Variants in EFHC1 observed in about 807,000 individuals in gnomAD.
The protein encoded by EFHC1 is EF-hand domain-containing protein 1.
EFHC1 carries 53 observed loss-of-function variants against 69.9 expected under a neutral mutation model. That is an observed-to-expected ratio of 0.76 (90% CI 0.61 to 0.95). The LOEUF (loss-of-function observed/expected upper bound fraction) is 0.95. Ranked by LOEUF, EFHC1 falls within the 40% of genes least tolerant of loss-of-function variation. The pLI, the probability that EFHC1 is intolerant of heterozygous loss-of-function variation, is 0.00. For synonymous variants in EFHC1, 256 were observed against 278.4 expected (o/e 0.92, Z 0.80); for missense variants, 739 against 798.7 (o/e 0.93, Z 0.90).
chr6:52,486,506 C>T (rs908753422), intron 9 of EFHC1: 1 of 152,204 alleles, frequency 6.6e-6, no homozygotes, highest in Non-Finnish European at 1.5e-5. Context: ...CTCACTTACT[C>T]AATTATCTTT....
chr6:52,430,456 T>C (rs1764391155), intron 2 of EFHC1: 2 of 152,244 alleles, frequency 1.3e-5, no homozygotes, highest in Admixed American at 1.3e-4. Flanking sequence ...TCTGCATCTA[T>C]TGAGATGATC....
At chr6:52,475,008 GT>G (rs111411625) in intron 7 of EFHC1, among the ~76,000 whole-genome samples, 137 of 141,202 alleles carry the variant, frequency 9.7e-4, no homozygotes, top group South Asian at 7.4e-3. Flanking sequence ...GTTGTTTTGG[GT>G]TTTTTTTTTT....
intron 5 of EFHC1, among the ~76,000 whole-genome samples, chr6:52,460,644 C>T (rs545699781): frequency 6.6e-6 from 1 of 152,054 alleles, no homozygotes; most frequent in African/African-American, 2.4e-5. Context: ...TAACCCATAC[C>T]AGATGGAAGT....
Position 52,454,094 on chromosome 6 carries a change from G to C in EFHC1, c.724-1G>C. ...GAGTCACTACTTTGGATTCTTCAAA[G>C]GTCCTTCGATTCTATGCAATCTGGG... is the stretch of plus-strand genomic sequence containing the variant. On this transcript the variant is annotated splice_acceptor_variant, in intron 4 of 10. Transcript: ENST00000371068. LOFTEE classifies it high-confidence loss of function. 1 of 1,612,954 alleles carries C rather than the reference G, an allele frequency of 6.2e-7. No individual in the cohort carries two copies. The highest frequency in any genetic ancestry group is 8.5e-7 in the Non-Finnish European group (1 of 1,179,928).
chr6:52,486,650 G>A (rs1017932217), intron 9 of EFHC1: 1 of 152,088 alleles, frequency 6.6e-6, no homozygotes, highest in Non-Finnish European at 1.5e-5. Context: ...TCCAATGTGG[G>A]CTTCATCAGT....
In EFHC1 at chr6:52,479,792, GT is replaced by G; in HGVS notation, c.1640+6del. On this transcript the variant is annotated splice_donor_region_variant and intron_variant, in intron 9 of 10. Coordinates refer to ENST00000371068, the MANE Select transcript of EFHC1 (RefSeq NM_018100.4). The stretch of plus-strand genomic sequence containing the variant: ...GCCTGCTCCAGAAGCAGAAAGGTGT[GT>G]GTTTGATTGCTAGGGTTTGGCACAC... The G allele has an allele frequency of 6.2e-7, 1 of 1,613,888 alleles. No individual in the cohort carries two copies. Among genetic ancestry groups the G allele is most frequent in the Non-Finnish European group, 8.5e-7 (1 of 1,180,006 alleles).
At position 52,490,279 on chromosome 6, in the gene EFHC1, G is replaced by A. The variant is rs779206438; in HGVS notation, c.1780G>A (p.Val594Met). 5 of 1,614,064 alleles carry A rather than the reference G, an allele frequency of 3.1e-6. No individual in the cohort carries two copies. In the East Asian group the frequency reaches 6.7e-5, roughly 22 times the overall value. ...QIYDKEASGY[V>M]DRDMFFKICE... ...TTATGACAAGGAAGCTTCAGGATAT[G>A]TGGACAGAGACATGTTCTTTAAAAT... Residue 594 changes from valine (V) to methionine (M), a missense_variant, in exon 10 of 11, where the codon GTG becomes ATG. Val to Met is a conservative substitution (Grantham distance 21). Transcript: ENST00000371068.
Position 52,465,021 on chromosome 6 carries a change from A to T in EFHC1, c.1043A>T (p.Asp348Val), listed in dbSNP as rs1381895195. 6.2e-7 allele frequency: 1 copy of T among 1,614,160 alleles called. No individual in the cohort carries two copies. Among genetic ancestry groups the T allele is most frequent in the Non-Finnish European group, 8.5e-7 (1 of 1,180,032 alleles). Residue 348 changes from aspartate to valine, a missense_variant, in exon 6 of 11, where the codon GAT (aspartate) becomes GTT (valine). Transcript: ENST00000371068. Reference sequence around the variant, plus strand: ...AGAACTTTCTTCATTTATGATTGTGATCCATTTACTCGACGGTATTACAAA... The same window carrying T: ...AGAACTTTCTTCATTTATGATTGTGTTCCATTTACTCGACGGTATTACAAA... Reference protein sequence around the residue: ...LGRTFFIYDCDPFTRRYYKEK... With the variant: ...LGRTFFIYDCVPFTRRYYKEK...
chr6:52,491,891 G>A (rs764223707), intron 10 of EFHC1, among the ~76,000 whole-genome samples: 7 of 152,166 alleles, frequency 4.6e-5, no homozygotes, highest in Non-Finnish European at 7.3e-5. Flanking sequence ...TGCCTGGGTC[G>A]TGACTGCCTT....
chr6:52,469,749 T>A (rs577458589), intron 7 of EFHC1, among the ~76,000 whole-genome samples: 15 of 152,342 alleles, frequency 9.8e-5, no homozygotes, highest in African/African-American at 3.6e-4. Context: ...ATCTTTTGCC[T>A]CTTTTATTAA....
intron 5 of EFHC1, among the ~76,000 whole-genome samples, 176 bp downstream of exon 5, chr6:52,454,463 G>T (rs546437465): frequency 2.0e-5 from 3 of 151,992 alleles, no homozygotes; most frequent in Non-Finnish European, 4.4e-5. Flanking sequence ...CGGTCCAGGC[G>T]TGCCCCCAAG....
chr6:52,465,131 T>A lies in EFHC1; in HGVS notation c.1137+16T>A. On this transcript the variant is annotated intron_variant, in intron 6 of 10. Coordinates refer to ENST00000371068, the MANE Select transcript of EFHC1 (RefSeq NM_018100.4). Reference sequence around the variant, plus strand: ...AGTAAAACAGGTAATCAGATAGTACTTCTTAGTGTGGTGAGAAAACTAATT... The same window carrying A: ...AGTAAAACAGGTAATCAGATAGTACATCTTAGTGTGGTGAGAAAACTAATT... The A allele has an allele frequency of 6.2e-7, 1 of 1,609,248 alleles. No homozygotes were observed.
At chr6:52,476,750 T>C (rs1765553239) in intron 7 of EFHC1, among the ~76,000 whole-genome samples, 2 of 147,080 alleles carry the variant, frequency 1.4e-5, no homozygotes, top group African/African-American at 4.8e-5. Flanking sequence ...GAAGGGCAGA[T>C]TGAGGAACTA....
At chr6:52,423,607 T>TC in intron 1 of EFHC1, 1 of 519,640 alleles carries the variant, frequency 1.9e-6, no homozygotes, top group South Asian at 2.8e-5. Context: ...GCTCAAGTGA[T>TC]CCTTCCACCT....
intron 4 of EFHC1, 185 bp from the exon 5 acceptor site, chr6:52,453,910 G>A (rs1764978144): frequency 1.4e-6 from 2 of 1,462,430 alleles, no homozygotes; most frequent in Admixed American, 4.1e-5. Flanking sequence ...CTGACATATA[G>A]TACATAATTT....
At chr6:52,448,628 C>A (rs1044488670) in intron 3 of EFHC1, among the ~76,000 whole-genome samples, 4 of 152,206 alleles carry the variant, frequency 2.6e-5, no homozygotes, top group Non-Finnish European at 2.9e-5. Context: ...CACCCGTCTT[C>A]TGCGTTGCTC....
chr6:52,452,406 T>C (rs1764934439), intron 3 of EFHC1, among the ~76,000 whole-genome samples: 1 of 152,180 alleles, frequency 6.6e-6, no homozygotes, highest in Admixed American at 6.5e-5. Context: ...GCTCAAGCAG[T>C]CTACTCACTT....
chr6:52,469,129 C>G, intron 6 of EFHC1: 1 of 610,882 alleles, frequency 1.6e-6, no homozygotes, highest in Admixed American at 3.0e-5. Flanking sequence ...TCATCAGTTA[C>G]TTCTGTGATC....
intron 4 of EFHC1, chr6:52,453,426 G>GA: frequency 7.8e-7 from 1 of 1,287,128 alleles, no homozygotes; most frequent in South Asian, 1.2e-5. Context: ...GTACTAAAGG[G>GA]AGAAAGAAAA....
Sources: gnomAD v4.1 joint callset for allele counts (sites outside exome capture counted in the v4.1 genomes callset) on GRCh38, gnomAD v4.1.1 for gene constraint, MANE v1.5 for transcripts, NCBI Gene and HGNC (gene_info 2026-07-23, HGNC 2026-07-21) for gene names.